The following SRD5A2 variants were observed in gnomAD, a reference collection of about 807,000 sequenced individuals.
SRD5A2 encodes steroid 5 alpha-reductase 2.
In SRD5A2, 30 loss-of-function variants were observed where a neutral mutation model predicts 27.4. The observed-to-expected ratio is 1.10, with a 90% CI of 0.82 to 1.49. The LOEUF is 1.49. SRD5A2 is among the 40% of genes most tolerant of loss of function. SRD5A2 has a pLI of 0.00. For synonymous variants in SRD5A2, 141 were observed against 133.6 expected (o/e 1.06, Z -0.38); for missense variants, 348 against 323.4 (o/e 1.08, Z -0.58).
chr2:31,526,583 G>GA (rs911453051), intron 4 of SRD5A2, among the ~76,000 whole-genome samples: 39 of 150,824 alleles, frequency 2.6e-4, no homozygotes, highest in African/African-American at 4.1e-4. Context: ...TATCCTACCA[G>GA]AAAAAAAAAT....
chr2:31,593,283 C>CA, the SRD5A2 span, among the ~76,000 whole-genome samples: 1 of 151,568 alleles, frequency 6.6e-6, no homozygotes, highest in Non-Finnish European at 1.5e-5. Flanking sequence ...AAGAAATTTT[C>CA]AAAAAAATAC....
the SRD5A2 span, among the ~76,000 whole-genome samples, chr2:31,606,671 T>C: frequency 6.6e-6 from 1 of 151,938 alleles, no homozygotes; most frequent in Non-Finnish European, 1.5e-5. Context: ...GTGACTGAAC[T>C]CAGTCTCTAG....
chr2:31,612,303 GAGAA>G, the SRD5A2 span, among the ~76,000 whole-genome samples: 1 of 149,444 alleles, frequency 6.7e-6, no homozygotes, highest in Non-Finnish European at 1.5e-5. Flanking sequence ...AAAAAAGAGA[GAGAA>G]AGAAAAAAGA....
In SRD5A2 at chr2:31,569,321, C is replaced by A. The variant is rs1666802956; in HGVS notation, c.281+11299G>T. On this transcript the variant is annotated intron_variant, in intron 1 of 4. Transcript: ENST00000622030. Reference sequence around the variant, plus strand: ...GGTATATGTTTCACTTTTTAAGAAACTATCAAACCATTTTCCAAAGTGGTT... The same window carrying A: ...GGTATATGTTTCACTTTTTAAGAAAATATCAAACCATTTTCCAAAGTGGTT... Among the ~76,000 whole-genome samples, 5 of 152,216 alleles carry A rather than the reference C, an allele frequency of 3.3e-5. No homozygotes were observed. The South Asian group carries it at 8.3e-4, about 25-fold the overall frequency.
chr2:31,564,296 CA>C (rs1376418225), intron 1 of SRD5A2, among the ~76,000 whole-genome samples: 2 of 151,062 alleles, frequency 1.3e-5, no homozygotes, highest in Non-Finnish European at 3.0e-5. Flanking sequence ...GGATTAGCAA[CA>C]GATAAGACAT....
chr2:31,604,259 T>C, the SRD5A2 span, among the ~76,000 whole-genome samples: 9 of 151,682 alleles, frequency 5.9e-5, no homozygotes, highest in East Asian at 1.4e-3. Flanking sequence ...TTCTTCAACA[T>C]AGTAATGGAA....
At position 31,523,052 on chromosome 2, in the gene SRD5A2, T is replaced by C. The variant is rs995600084; in HGVS notation, c.*3144A>G. ...TAGCTGTTTAATTGCGTATTTCTCA[T>C]TAGAGCTCCTTTTTCCTTTTAGAAT... is the stretch of plus-strand genomic sequence containing the variant. On this transcript the variant is annotated 3_prime_UTR_variant, in exon 5 of 5. Transcript: ENST00000622030. The C allele has an allele frequency of 2.3e-5, 5 of 217,682 alleles. No homozygotes were observed. Among genetic ancestry groups the C allele is most frequent in the African/African-American group, 4.5e-5 (2 of 44,442 alleles). The allele number at this position is 217,682 out of a possible 1,614,324, so 13.5% of individuals were successfully genotyped here. A position where few individuals can be genotyped will look rare whatever the true frequency, so the allele number is the denominator to read the frequency against.
chr2:31,660,094 C>T, the SRD5A2 span, among the ~76,000 whole-genome samples: 1 of 151,482 alleles, frequency 6.6e-6, no homozygotes, highest in Non-Finnish European at 1.5e-5. Context: ...AAAAAATCTC[C>T]CATATCTCTA....
At chr2:31,634,320 A>C in the SRD5A2 span, among the ~76,000 whole-genome samples, 2 of 152,192 alleles carry the variant, frequency 1.3e-5, no homozygotes, top group African/African-American at 4.8e-5. Context: ...AGAAAGAAAA[A>C]AGGTTTAAAA....
the SRD5A2 span, among the ~76,000 whole-genome samples, chr2:31,639,606 G>C: frequency 6.6e-6 from 1 of 151,788 alleles, no homozygotes; most frequent in Admixed American, 6.6e-5. Flanking sequence ...TTATAATTTT[G>C]CTGGATACCA....
intron 1 of SRD5A2, among the ~76,000 whole-genome samples, chr2:31,541,174 C>T (rs1360134308): frequency 6.6e-6 from 1 of 152,000 alleles, no homozygotes; most frequent in East Asian, 1.9e-4. Flanking sequence ...CAGAGAATAC[C>T]AGTAAAGACC....
chr2:31,608,893 C>T, the SRD5A2 span, among the ~76,000 whole-genome samples: 1 of 152,010 alleles, frequency 6.6e-6, no homozygotes, highest in African/African-American at 2.4e-5. Flanking sequence ...GAAGTTTTAA[C>T]CTGCAATGTG....
chr2:31,616,103 G>C, the SRD5A2 span, among the ~76,000 whole-genome samples: 2 of 152,174 alleles, frequency 1.3e-5, no homozygotes. Flanking sequence ...ACAGGGGTGA[G>C]CACAGAAGTC....
the SRD5A2 span, among the ~76,000 whole-genome samples, chr2:31,649,362 G>C: frequency 1.3e-5 from 2 of 152,080 alleles, no homozygotes; most frequent in African/African-American, 4.8e-5. Flanking sequence ...ACATTAGACA[G>C]GACTTGCAAG....
the SRD5A2 span, among the ~76,000 whole-genome samples, chr2:31,626,474 TATG>T: frequency 1.3e-5 from 2 of 152,208 alleles, no homozygotes; most frequent in African/African-American, 4.8e-5. Context: ...GCCCATTCAG[TATG>T]ATATTGGCTG....
At chr2:31,583,282 G>T (rs975506463), upstream of SRD5A2, among the ~76,000 whole-genome samples, 2 of 152,160 alleles carry the variant, frequency 1.3e-5, no homozygotes, top group South Asian at 2.1e-4. Context: ...AACACACAAG[G>T]CCTCTTCAGG....
the SRD5A2 span, among the ~76,000 whole-genome samples, chr2:31,637,812 ATTCAT>A: frequency 1.3e-5 from 2 of 151,972 alleles, no homozygotes; most frequent in Non-Finnish European, 2.9e-5. Context: ...TTCTGATTTT[ATTCAT>A]TTAAGTCTTC....
At chr2:31,623,275 A>G in the SRD5A2 span, among the ~76,000 whole-genome samples, 1 of 152,144 alleles carries the variant, frequency 6.6e-6, no homozygotes, top group Non-Finnish European at 1.5e-5. Flanking sequence ...CATCATTTCC[A>G]TACTCTAAGA....
At position 31,554,777 on chromosome 2, in the gene SRD5A2, G is replaced by A. The variant is rs116669055; in HGVS notation, c.282-21011C>T. Among the ~76,000 whole-genome samples, 1,431 of 152,196 alleles carry A rather than the reference G, an allele frequency of 9.4e-3. 22 individuals carry two copies. The highest frequency in any genetic ancestry group is 0.054 in the Middle Eastern group (16 of 294). On this transcript the variant is annotated intron_variant, in intron 1 of 4. Coordinates refer to ENST00000622030, the MANE Select transcript of SRD5A2 (RefSeq NM_000348.4). ...AAACATTCCTTCCATTACTCAAATGGTAGAAATTTCCAACATGTTTCAGGA... is the reference window on the plus strand; with the variant it reads ...AAACATTCCTTCCATTACTCAAATGATAGAAATTTCCAACATGTTTCAGGA...
Sources: allele counts gnomAD v4.1 joint callset (sites outside exome capture counted in the v4.1 genomes callset), GRCh38; gene constraint gnomAD v4.1.1; transcripts MANE v1.5; gene names NCBI Gene and HGNC (gene_info 2026-07-23, HGNC 2026-07-21).